Variants in TWIST1 observed in about 807,000 individuals in gnomAD.
The protein encoded by TWIST1 is twist family bHLH transcription factor 1, also known as twist-related protein 1.
TWIST1 carries 8 observed loss-of-function variants against 12.9 expected under a neutral mutation model. That is an observed-to-expected ratio of 0.62 (90% CI 0.37 to 1.12). The LOEUF (loss-of-function observed/expected upper bound fraction) is 1.12. Ranked by LOEUF, TWIST1 falls within the 50% of genes most tolerant of loss-of-function variation. The pLI, the probability that TWIST1 is intolerant of heterozygous loss-of-function variation, is 0.02. For missense variants in TWIST1, 268 were observed against 299.7 expected, an observed-to-expected ratio of 0.89 and a Z score of 0.78; for synonymous variants, 169 against 138.7, an observed-to-expected ratio of 1.22 and a Z score of -1.54.
chr7:19,116,683 C>T lies in TWIST1; in HGVS notation c.*30G>A, dbSNP rs748757824. The T allele has an allele frequency of 1.3e-6, 2 of 1,575,494 alleles. No homozygotes were observed. Among genetic ancestry groups the T allele is most frequent in the South Asian group, 2.3e-5 (2 of 86,330 alleles). ...GCGCGGTCCTTACCTAGGTCTCCGG[C>T]CCTGCTGAGGGGGTGGGGGGCTCCG... On this transcript the variant is annotated 3_prime_UTR_variant, in exon 1 of 2. Coordinates refer to ENST00000242261, the MANE Select transcript of TWIST1 (RefSeq NM_000474.4).
downstream of TWIST1, chr7:19,113,589 T>G (rs916978096): frequency 6.6e-6 from 1 of 152,216 alleles, no homozygotes; most frequent in South Asian, 2.1e-4. Flanking sequence ...GAAACTGCAT[T>G]CCAGTAGTTA....
chr7:19,117,446 A>G lies in TWIST1; in HGVS notation c.-125T>C. 1.7e-6 allele frequency: 2 copies of G among 1,177,792 alleles called. No individual in the cohort carries two copies. Among genetic ancestry groups the G allele is most frequent in the South Asian group, 3.0e-5 (1 of 33,538 alleles). 73.0% of individuals were successfully genotyped at this position (1,177,792 alleles called of 1,614,324 possible). On this transcript the variant is annotated 5_prime_UTR_variant, in exon 1 of 2. Coordinates refer to ENST00000242261, the MANE Select transcript of TWIST1 (RefSeq NM_000474.4). ...CGATGCGGCCCGCGGAGGAGAGAGC[A>G]GGAGGACGGACGGGAGGGACCTCCG...
Position 19,117,252 on chromosome 7 carries a change from G to A in TWIST1, c.70C>T (p.Pro24Ser). Residue 24 changes from proline to serine, a missense_variant, in exon 1 of 2, where the codon CCA becomes TCA. By Grantham distance (74) the Pro-to-Ser change is moderately conservative. This residue lies in a region of TWIST1 where 189 missense variants were observed against 172.1 expected (regional missense o/e 1.10). Transcript: ENST00000242261. Reference protein sequence around the residue: ...DDSLSNSEEEPDRQQPPSGKR... With the variant: ...DDSLSNSEEESDRQQPPSGKR... ...CCGCTCGGCGGCTGCTGCCGGTCTG[G>A]CTCTTCCTCGCTGTTGCTCAGGCTG... The A allele has an allele frequency of 6.9e-7, 1 of 1,457,786 alleles. No individual in the cohort carries two copies. The highest frequency in any genetic ancestry group is 9.0e-7 in the Non-Finnish European group (1 of 1,107,222). The allele number at this position is 1,457,786 out of a possible 1,614,324, so 90.3% of individuals were successfully genotyped here.
At chr7:19,116,414 C>G (rs1788566253) in intron 1 of TWIST1, among the ~76,000 whole-genome samples, 1 of 152,172 alleles carries the variant, frequency 6.6e-6, no homozygotes, top group Non-Finnish European at 1.5e-5. Context: ...GTGTCTCTGT[C>G]TCCCCTCCTG....
At chr7:19,116,315 G>A (rs1232440004) in intron 1 of TWIST1, among the ~76,000 whole-genome samples, 184 bp from the exon 2 acceptor site, 2 of 152,190 alleles carry the variant, frequency 1.3e-5, no homozygotes, top group African/African-American at 4.8e-5. Context: ...GGTGGAATTT[G>A]TTTTAAAACA....
rs1315432008 is a variant in TWIST1, at chr7:19,117,550, G to C, written c.-229C>G. ...TGTGGATGGCCCCGAGGTCCAAAAA[G>C]AAAGCGCCCAACGGCTGGACGCACA... is the stretch of plus-strand genomic sequence containing the variant. On this transcript the variant is annotated 5_prime_UTR_variant, in exon 1 of 2. Transcript: ENST00000242261. 2 of 1,143,516 alleles carry C rather than the reference G, an allele frequency of 1.7e-6. No homozygotes were observed. The highest frequency in any genetic ancestry group is 3.5e-5 in the South Asian group (1 of 28,652). The allele number at this position is 1,143,516 out of a possible 1,614,324, so 70.8% of individuals were successfully genotyped here.
chr7:19,116,863 G>C lies in TWIST1; in HGVS notation c.459C>G (p.Ala153=), dbSNP rs761081705. 15 of 1,614,146 alleles carry C rather than the reference G, an allele frequency of 9.3e-6. No individual in the cohort carries two copies. Among genetic ancestry groups the C allele is most frequent in the Admixed American group, 5.0e-5 (3 of 60,032 alleles). ...LSKIQTLKLA[A]RYIDFLYQVL... ...CCTGGTAGAGGAAGTCGATGTACCT[G>C]GCCGCCAGCTTGAGGGTCTGAATCT... The change falls in exon 1 of 2, where the codon GCC becomes GCG. Residue 153 remains alanine (A), a synonymous_variant. Transcript: ENST00000242261.
chr7:19,113,921 A>C (rs977608339), downstream of TWIST1: 1 of 152,178 alleles, frequency 6.6e-6, no homozygotes, highest in African/African-American at 2.4e-5. Context: ...TACCTTAAGA[A>C]ATCTGAAATA....
At position 19,116,658 on chromosome 7, in the gene TWIST1, G is replaced by A. The variant is rs1421403912; in HGVS notation, c.*42+13C>T. The A allele has an allele frequency of 1.3e-6, 2 of 1,541,062 alleles. No individual in the cohort carries two copies. The highest frequency in any genetic ancestry group is 8.7e-7 in the Non-Finnish European group (1 of 1,143,882). ...ACCTGAGAGGCGAAGGGGTGCAGCG[G>A]CGCGGTCCTTACCTAGGTCTCCGGC... On this transcript the variant is annotated intron_variant, in intron 1 of 1. Coordinates refer to ENST00000242261, the MANE Select transcript of TWIST1 (RefSeq NM_000474.4).
At chr7:19,114,128 A>C (rs994858656), downstream of TWIST1, 3 of 152,094 alleles carry the variant, frequency 2.0e-5, no homozygotes, top group African/African-American at 7.2e-5. Flanking sequence ...CCAACACATA[A>C]TCGCCTTCCC....
Position 19,117,099 on chromosome 7 carries a change from C to T in TWIST1, c.223G>A (p.Gly75Ser). The T allele has an allele frequency of 7.5e-7, 1 of 1,338,772 alleles. No individual in the cohort carries two copies. The highest frequency in any genetic ancestry group is 9.5e-7 in the Non-Finnish European group (1 of 1,052,170). The allele number at this position is 1,338,772 out of a possible 1,614,324, so 82.9% of individuals were successfully genotyped here. A position where few individuals can be genotyped will look rare whatever the true frequency, so the allele number is the denominator to read the frequency against. The stretch of plus-strand genomic sequence containing the variant: ...CCGCCACAGCCCGCAGACTTCTTGC[C>T]GCGCTTGCCCTGGGCCGGGCTGCCC... ...EPGSPAQGKR[G>S]KKSAGCGGGG... Residue 75 changes from glycine (G) to serine (S), a missense_variant, in exon 1 of 2, where the codon GGC becomes AGC. Gly to Ser is a moderately conservative substitution (Grantham distance 56). Coordinates refer to ENST00000242261, the MANE Select transcript of TWIST1 (RefSeq NM_000474.4).
Position 19,117,336 on chromosome 7 carries a change from C to A in TWIST1, c.-15G>T, listed in dbSNP as rs1456703394. On this transcript the variant is annotated 5_prime_UTR_variant, in exon 1 of 2. Coordinates refer to ENST00000242261, the MANE Select transcript of TWIST1 (RefSeq NM_000474.4). ...TCCTGCATCATCTCTCGAGCGGCGA[C>A]GCGTGGCCTCGCGGGCCCGGGGCAG... is the stretch of plus-strand genomic sequence containing the variant. 1 of 1,446,020 alleles carries A rather than the reference C, an allele frequency of 6.9e-7. No homozygotes were observed. Among genetic ancestry groups the A allele is most frequent in the Non-Finnish European group, 9.1e-7 (1 of 1,099,496 alleles). The allele number at this position is 1,446,020 out of a possible 1,614,324, so 89.6% of individuals were successfully genotyped here. A position where few individuals can be genotyped will look rare whatever the true frequency, so the allele number is the denominator to read the frequency against.
chr7:19,116,902 C>T lies in TWIST1; in HGVS notation c.420G>A (p.Ser140=). Residue 140 remains serine, a synonymous_variant, in exon 1 of 2, where the codon TCG becomes TCA. Transcript: ENST00000242261. The part of the protein sequence containing the change: ...ALRKIIPTLP[S]DKLSKIQTLK... ...GGGTCTGAATCTTGCTCAGCTTGTC[C>T]GAGGGCAGCGTGGGGATGATCTTCC... 1.9e-6 allele frequency: 3 copies of T among 1,614,104 alleles called. No individual in the cohort carries two copies. Among genetic ancestry groups the T allele is most frequent in the South Asian group, 2.2e-5 (2 of 91,084 alleles).
Position 19,117,166 on chromosome 7 carries a change from G to A in TWIST1, c.156C>T (p.Pro52=), listed in dbSNP as rs1585617700. ...CGACGCCCCCACCCGCGGCTCCGCC[G>A]GGCCCCGCGCCGCCGCCCGCGCTGC... The part of the protein sequence containing the change: ...SRRSAGGGAG[P]GGAAGGGVGG... The change falls in exon 1 of 2, where the codon CCC becomes CCT. Residue 52 remains proline, a synonymous_variant. Transcript: ENST00000242261. 2 of 1,094,460 alleles carry A rather than the reference G, an allele frequency of 1.8e-6. No homozygotes were observed. The highest frequency in any genetic ancestry group is 2.2e-6 in the Non-Finnish European group (2 of 903,600). 67.8% of individuals were successfully genotyped at this position (1,094,460 alleles called of 1,614,324 possible).
chr7:19,113,908 G>C (rs1340781944), downstream of TWIST1: 2 of 152,114 alleles, frequency 1.3e-5, no homozygotes, highest in African/African-American at 4.8e-5. Context: ...CTCCATCCTG[G>C]TGTACCTTAA....
chr7:19,114,308 T>C (rs1474634398), downstream of TWIST1: 1 of 152,194 alleles, frequency 6.6e-6, no homozygotes, highest in African/African-American at 2.4e-5. Flanking sequence ...TATGGTGCTG[T>C]GTGAAGAAGA....
At chr7:19,114,565 A>G (rs746905994), downstream of TWIST1, among the ~76,000 whole-genome samples, 7 of 152,246 alleles carry the variant, frequency 4.6e-5, no homozygotes, top group Non-Finnish European at 1.0e-4. Context: ...AATAATCAGA[A>G]TGAAATAAAA....
downstream of TWIST1, chr7:19,113,280 C>T (rs574034731): frequency 1.3e-5 from 2 of 152,142 alleles, no homozygotes; most frequent in East Asian, 3.9e-4. Flanking sequence ...TACAATTTAC[C>T]CAAGACAATT....
Position 19,117,470 on chromosome 7 carries a change from C to CGCGGGGAGGGCGCGCGGGGGAG in TWIST1, c.-171_-150dup, listed in dbSNP as rs1788602572. The CGCGGGGAGGGCGCGCGGGGGAG allele has an allele frequency of 5.1e-6, 6 of 1,166,384 alleles. No individual in the cohort carries two copies. The highest frequency in any genetic ancestry group is 4.8e-5 in the Admixed American group (1 of 20,702). 72.3% of individuals were successfully genotyped at this position (1,166,384 alleles called of 1,614,324 possible). ...CAGGAGGACGGACGGGAGGGACCTCCGCGGGGAGGGCGCGCGGGGGAGGCG... is the reference window on the plus strand; with the variant it reads ...CAGGAGGACGGACGGGAGGGACCTCCGCGGGGAGGGCGCGCGGGGGAGGCGGGGAGGGCGCGCGGGGGAGGCG... On this transcript the variant is annotated 5_prime_UTR_variant, in exon 1 of 2. Transcript: ENST00000242261.
Sources: gnomAD v4.1 joint callset for allele counts (sites outside exome capture counted in the v4.1 genomes callset) on GRCh38, gnomAD v4.1.1 for gene constraint, gnomAD v4.1.1 regional missense constraint, MANE v1.5 for transcripts, NCBI Gene and HGNC (gene_info 2026-07-23, HGNC 2026-07-21) for gene names.